Variants in SLC9C2 observed in about 807,000 individuals in gnomAD.
The protein encoded by SLC9C2 is solute carrier family 9 member C2 (putative), also known as sodium/hydrogen exchanger 11.
Under a neutral mutation model 140.2 loss-of-function variants are expected in SLC9C2, and 75 were observed. The observed-to-expected ratio is 0.53, with a 90% CI of 0.44 to 0.65. The LOEUF (loss-of-function observed/expected upper bound fraction) is 0.65. SLC9C2 is among the 30% of genes least tolerant of loss of function. The pLI is 0.00. For synonymous variants in SLC9C2, 375 were observed against 420.9 expected (o/e 0.89, Z 1.34); for missense variants, 1,074 against 1,331.8 (o/e 0.81, Z 3.01).
intron 14 of SLC9C2, 116 bp downstream of exon 14, chr1:173,536,826 A>G: frequency 1.4e-6 from 1 of 740,270 alleles, no homozygotes; most frequent in Non-Finnish European, 2.3e-6. Flanking sequence ...ATGGATACAT[A>G]CAGATATGTG....
intron 9 of SLC9C2, 137 bp downstream of exon 9, chr1:173,573,045 G>T: frequency 1.7e-6 from 1 of 572,628 alleles, no homozygotes; most frequent in Non-Finnish European, 3.0e-6. Context: ...GCAAGCTATT[G>T]TCAAGGCCTT....
rs115921328 is a variant in SLC9C2, at chr1:173,520,642, A to G, written c.2739+659T>C. The stretch of plus-strand genomic sequence containing the variant: ...AAAAGTGCTTAGAATAGTGCCAGAT[A>G]GTAAATAAGTGTTATATTGTGTTAG... On this transcript the variant is annotated intron_variant, in intron 22 of 27. Coordinates refer to ENST00000367714, the MANE Select transcript of SLC9C2 (RefSeq NM_178527.4). Among the ~76,000 whole-genome samples, 925 of 152,372 alleles carry G rather than the reference A, an allele frequency of 6.1e-3. 2 individuals carry two copies. The highest frequency in any genetic ancestry group is 9.0e-3 in the Non-Finnish European group (610 of 68,034).
intron 7 of SLC9C2, among the ~76,000 whole-genome samples, chr1:173,579,073 T>A (rs1264810146): frequency 6.6e-6 from 1 of 152,184 alleles, no homozygotes; most frequent in African/African-American, 2.4e-5. Context: ...CACACACAAG[T>A]GCTGACTCTG....
intron 4 of SLC9C2, among the ~76,000 whole-genome samples, chr1:173,592,780 T>C (rs998765205): frequency 6.6e-6 from 1 of 152,162 alleles, no homozygotes; most frequent in Non-Finnish European, 1.5e-5. Context: ...TTTCTAGATA[T>C]AGAATAATGT....
At chr1:173,504,505 T>G (rs1659496111) in intron 26 of SLC9C2, among the ~76,000 whole-genome samples, 1 of 152,156 alleles carries the variant, frequency 6.6e-6, no homozygotes, top group African/African-American at 2.4e-5. Context: ...CATTAAGAAT[T>G]GCATAATAGC....
At chr1:173,514,892 A>T (rs1340469194) in intron 23 of SLC9C2, among the ~76,000 whole-genome samples, 2 of 151,964 alleles carry the variant, frequency 1.3e-5, no homozygotes, top group Admixed American at 6.6e-5. Context: ...AAAGAATTTT[A>T]TTTCTCCTTT....
chr1:173,538,487 G>T (rs955514887), intron 13 of SLC9C2, among the ~76,000 whole-genome samples: 2 of 152,186 alleles, frequency 1.3e-5, no homozygotes, highest in Admixed American at 1.3e-4. Flanking sequence ...GGCAATGGAG[G>T]TATAGTCCAA....
At chr1:173,579,123 C>T (rs1156786921) in intron 7 of SLC9C2, among the ~76,000 whole-genome samples, 2 of 152,154 alleles carry the variant, frequency 1.3e-5, no homozygotes, top group African/African-American at 4.8e-5. Context: ...TAAATTCCTA[C>T]CTTCTATCAT....
At chr1:173,509,808 T>A (rs1346736866) in intron 23 of SLC9C2, 109 bp from the exon 24 acceptor site, 1 of 1,091,910 alleles carries the variant, frequency 9.2e-7, no homozygotes, top group Non-Finnish European at 1.3e-6. Flanking sequence ...CTATCAATTC[T>A]AGCATAATTA....
intron 11 of SLC9C2, among the ~76,000 whole-genome samples, chr1:173,553,829 C>T (rs1663483362): frequency 6.6e-6 from 1 of 152,162 alleles, no homozygotes; most frequent in African/African-American, 2.4e-5. Flanking sequence ...ATGTAAATCT[C>T]TAGTAGTCTG....
At position 173,557,438 on chromosome 1, in the gene SLC9C2, C is replaced by A. The variant is rs766558970; in HGVS notation, c.1117G>T (p.Val373Phe). The A allele has an allele frequency of 1.9e-6, 3 of 1,613,878 alleles. No individual in the cohort carries two copies. Among genetic ancestry groups the A allele is most frequent in the Middle Eastern group, 1.6e-4 (1 of 6,062 alleles). ...TTAATTCCAGACCACGTGATTACAA[C>A]TCCCCATCGCCAATTATATTCATAA... ...SNYEYNWRWGVVITWSGIKGV... is the reference protein window; with the variant it reads ...SNYEYNWRWGFVITWSGIKGV... The change falls in exon 10 of 28, where the codon GTT (valine) becomes TTT (phenylalanine). Residue 373 changes from valine (V) to phenylalanine (F), a missense_variant. Coordinates refer to ENST00000367714, the MANE Select transcript of SLC9C2 (RefSeq NM_178527.4).
chr1:173,580,652 C>T (rs1665476110), intron 7 of SLC9C2, among the ~76,000 whole-genome samples: 1 of 152,176 alleles, frequency 6.6e-6, no homozygotes, highest in Admixed American at 6.5e-5. Context: ...TGCACCCAGC[C>T]TATCATACCA....
chr1:173,537,159 C>T (rs1206735672), intron 13 of SLC9C2, 120 bp from the exon 14 acceptor site: 2 of 708,288 alleles, frequency 2.8e-6, no homozygotes, highest in African/African-American at 1.8e-5. Flanking sequence ...TATGCCATTA[C>T]AAAAAATTAT....
chr1:173,554,634 A>T (rs1228162466), intron 11 of SLC9C2, 99 bp downstream of exon 11: 1 of 737,282 alleles, frequency 1.4e-6, no homozygotes, highest in Non-Finnish European at 2.3e-6. Flanking sequence ...TTTCTAAACC[A>T]ATTCCTTGAG....
At chr1:173,542,281 C>T (rs1247466982) in intron 13 of SLC9C2, among the ~76,000 whole-genome samples, 1 of 151,902 alleles carries the variant, frequency 6.6e-6, no homozygotes, top group East Asian at 1.9e-4. Context: ...AATTCCTGGA[C>T]ACATACACCC....
At chr1:173,541,455 C>T (rs1468834613) in intron 13 of SLC9C2, among the ~76,000 whole-genome samples, 1 of 152,258 alleles carries the variant, frequency 6.6e-6, no homozygotes, top group African/African-American at 2.4e-5. Flanking sequence ...ATCAACAAGA[C>T]AGAAGGTTAA....
chr1:173,586,654 A>G (rs1050242259), intron 5 of SLC9C2, among the ~76,000 whole-genome samples: 1 of 152,246 alleles, frequency 6.6e-6, no homozygotes, highest in Non-Finnish European at 1.5e-5. Context: ...GATAGACTGG[A>G]TAAAGAAAAT....
At chr1:173,526,066 C>G (rs1217167765) in intron 19 of SLC9C2, among the ~76,000 whole-genome samples, 2 of 152,104 alleles carry the variant, frequency 1.3e-5, no homozygotes, top group African/African-American at 2.4e-5. Context: ...TTATTAAGGG[C>G]CTTCCATATG....
At chr1:173,570,815 T>C (rs1484556029) in intron 9 of SLC9C2, among the ~76,000 whole-genome samples, 1 of 152,162 alleles carries the variant, frequency 6.6e-6, no homozygotes, top group Non-Finnish European at 1.5e-5. Flanking sequence ...AGGGCAGCAC[T>C]AAGTTCAGTG....
Sources: allele counts gnomAD v4.1 joint callset (sites outside exome capture counted in the v4.1 genomes callset), GRCh38; gene constraint gnomAD v4.1.1; transcripts MANE v1.5; gene names NCBI Gene and HGNC (gene_info 2026-07-23, HGNC 2026-07-21).